STARD13: variants seen among roughly 807,000 people sequenced by gnomAD.
STARD13 encodes the protein stAR-related lipid transfer protein 13.
A neutral mutation model predicts 106.4 loss-of-function variants in STARD13; 62 were observed. The ratio of observed to expected loss-of-function variants is 0.58; its 90% CI spans 0.48 to 0.72. The LOEUF (loss-of-function observed/expected upper bound fraction) is 0.72, where lower values mean the gene tolerates loss of function less well. Ranked by LOEUF, STARD13 falls within the 30% of genes least tolerant of loss-of-function variation. The pLI is 0.00. For synonymous variants in STARD13, 565 were observed against 553.0 expected (o/e 1.02, Z -0.31); for missense variants, 1,387 against 1,424.0 (o/e 0.97, Z 0.42).
the STARD13 span, among the ~76,000 whole-genome samples, chr13:33,533,107 A>T: frequency 2.0e-5 from 3 of 152,218 alleles, no homozygotes; most frequent in Non-Finnish European, 4.4e-5. Context: ...AGGAACATAA[A>T]GAGGTACTTT....
At chr13:33,546,083 TATGAA>T in the STARD13 span, among the ~76,000 whole-genome samples, 5 of 152,220 alleles carry the variant, frequency 3.3e-5, no homozygotes, top group Non-Finnish European at 5.9e-5. Context: ...TAAACACTCT[TATGAA>T]ATGATACTGT....
chr13:33,540,527 T>C, the STARD13 span, among the ~76,000 whole-genome samples: 1 of 152,220 alleles, frequency 6.6e-6, no homozygotes, highest in Non-Finnish European at 1.5e-5. Context: ...TACTTAGAAC[T>C]TCTAGCAATT....
chr13:33,257,274 T>C (rs1890411011), intron 1 of STARD13, among the ~76,000 whole-genome samples: 1 of 152,104 alleles, frequency 6.6e-6, no homozygotes, highest in African/African-American at 2.4e-5. Flanking sequence ...GGCAGAGGAA[T>C]AAGAGCTGCT....
intron 1 of STARD13, among the ~76,000 whole-genome samples, chr13:33,196,211 C>G (rs1159577561): frequency 6.6e-6 from 1 of 152,008 alleles, no homozygotes; most frequent in Non-Finnish European, 1.5e-5. Context: ...ATGGCGAAAC[C>G]CCGACTCTAC....
chr13:33,553,882 G>A, the STARD13 span, among the ~76,000 whole-genome samples: 1 of 151,830 alleles, frequency 6.6e-6, no homozygotes, highest in Non-Finnish European at 1.5e-5. Context: ...CTGGCTGCAA[G>A]CATTATTTTA....
At chr13:33,127,875 GTGTGT>G (rs1877458182) in intron 5 of STARD13, among the ~76,000 whole-genome samples, 1 of 94,024 alleles carries the variant, frequency 1.1e-5, no homozygotes, top group Non-Finnish European at 2.7e-5. Flanking sequence ...GTGTGTGTGT[GTGTGT>G]ATGTGAGAGA....
the STARD13 span, among the ~76,000 whole-genome samples, chr13:33,584,325 A>G: frequency 6.6e-6 from 1 of 152,126 alleles, no homozygotes; most frequent in African/African-American, 2.4e-5. Context: ...GCCTCAGGAA[A>G]TTTACAATCA....
the STARD13 span, among the ~76,000 whole-genome samples, chr13:33,492,865 C>T: frequency 6.6e-6 from 1 of 152,046 alleles, no homozygotes; most frequent in Non-Finnish European, 1.5e-5. Context: ...CAGGAACTCT[C>T]TCTTGGGGTC....
chr13:33,631,831 T>C, the STARD13 span, among the ~76,000 whole-genome samples: 15 of 152,216 alleles, frequency 9.9e-5, no homozygotes, highest in Non-Finnish European at 2.1e-4. Flanking sequence ...ATTTTCATGA[T>C]ATCTGGTGAG....
At chr13:33,161,758 C>A (rs566947154) in intron 3 of STARD13, among the ~76,000 whole-genome samples, 2 of 152,012 alleles carry the variant, frequency 1.3e-5, no homozygotes, top group Non-Finnish European at 2.9e-5. Context: ...AAGACATACC[C>A]GAGACTGGGA....
intron 1 of STARD13, among the ~76,000 whole-genome samples, chr13:33,192,680 C>T (rs780653021): frequency 6.6e-6 from 1 of 152,118 alleles, no homozygotes; most frequent in Non-Finnish European, 1.5e-5. Context: ...GGGCGGATCA[C>T]CTGAGGTCGG....
rs935170213 is a variant in STARD13, at chr13:33,300,236, A to G, written c.124+50054T>C. 2.0e-5 allele frequency among the ~76,000 whole-genome samples: 3 copies of G among 152,240 alleles called. No homozygotes were observed. The South Asian group carries it at 6.2e-4, about 31-fold the overall frequency. On this transcript the variant is annotated intron_variant, in intron 1 of 5. Transcript: ENST00000567873. ...GTAAGGGTTAAATTAGCTTATGTATATGAAGCACTGAGATATCGTAATATT... is the reference window on the plus strand; with the variant it reads ...GTAAGGGTTAAATTAGCTTATGTATGTGAAGCACTGAGATATCGTAATATT...
At chr13:33,199,871 C>T (rs539311641) in intron 1 of STARD13, among the ~76,000 whole-genome samples, 11 of 152,154 alleles carry the variant, frequency 7.2e-5, no homozygotes, top group Non-Finnish European at 1.2e-4. Context: ...AGTCATTGGC[C>T]GGGCCCAGTA....
At chr13:33,397,192 G>A in the STARD13 span, among the ~76,000 whole-genome samples, 8 of 152,256 alleles carry the variant, frequency 5.3e-5, no homozygotes, top group African/African-American at 1.7e-4. Flanking sequence ...ATTTCCAGAC[G>A]ACTTATAAAC....
chr13:33,583,174 T>C, the STARD13 span, among the ~76,000 whole-genome samples: 2 of 152,234 alleles, frequency 1.3e-5, no homozygotes. Context: ...GTCAGTAGAC[T>C]TACTTTACAG....
the STARD13 span, among the ~76,000 whole-genome samples, chr13:33,415,563 T>C: frequency 1.3e-5 from 2 of 151,824 alleles, no homozygotes; most frequent in Admixed American, 1.3e-4. Context: ...GAAGATGTTC[T>C]TTTTTTTGTT....
At chr13:33,228,859 T>G (rs961654019) in intron 1 of STARD13, among the ~76,000 whole-genome samples, 8 of 152,226 alleles carry the variant, frequency 5.3e-5, no homozygotes, top group African/African-American at 1.7e-4. Context: ...AAGGATCTAA[T>G]TGGTACGTAA....
At chr13:33,504,753 A>G in the STARD13 span, among the ~76,000 whole-genome samples, 1 of 152,166 alleles carries the variant, frequency 6.6e-6, no homozygotes, top group Non-Finnish European at 1.5e-5. Context: ...CTTAAAGTAT[A>G]ACAAAAAATA....
chr13:33,172,232 TA>T (rs760689193), intron 1 of STARD13, among the ~76,000 whole-genome samples: 2 of 152,020 alleles, frequency 1.3e-5, no homozygotes, highest in Admixed American at 6.6e-5. Flanking sequence ...ATCTTATTTG[TA>T]AAAAAAATGG....
Sources: allele counts gnomAD v4.1 joint callset (sites outside exome capture counted in the v4.1 genomes callset), GRCh38; gene constraint gnomAD v4.1.1; transcripts MANE v1.5; gene names NCBI Gene and HGNC (gene_info 2026-07-23, HGNC 2026-07-21).